Variants in PEX7 observed in about 807,000 individuals in gnomAD.
PEX7 encodes the protein PTS2 receptor.
Under a neutral mutation model 47.5 loss-of-function variants are expected in PEX7, and 34 were observed. The observed-to-expected ratio is 0.72, with a 90% CI of 0.54 to 0.95. The LOEUF is 0.95. Among genes scored for constraint, PEX7 ranks in the 40% least tolerant of loss-of-function variants. The pLI is 0.00. For synonymous variants in PEX7, 141 were observed against 148.8 expected, an observed-to-expected ratio of 0.95 and a Z score of 0.38; for missense variants, 394 against 400.3, an observed-to-expected ratio of 0.98 and a Z score of 0.13.
At position 136,913,463 on chromosome 6, in the gene PEX7, T is replaced by C; in HGVS notation, c.909T>C (p.Ala303=). ...DFSLQSPTQV[A]DCSWDETIKI... ...ACTTCATTTTTGTTTTCTAGGTGGC[T>C]GACTGTTCTTGGGATGAAACAATAA... The change falls in exon 10 of 10, where the codon GCT becomes GCC. Residue 303 remains alanine, a synonymous_variant. Transcript: ENST00000318471. 5.0e-6 allele frequency: 8 copies of C among 1,610,830 alleles called. No individual in the cohort carries two copies. The highest frequency in any genetic ancestry group is 6.8e-6 in the Non-Finnish European group (8 of 1,177,390).
intron 8 of PEX7, among the ~76,000 whole-genome samples, chr6:136,882,016 G>A (rs572523155): frequency 6.6e-6 from 1 of 152,184 alleles, no homozygotes; most frequent in East Asian, 1.9e-4. Context: ...ATCAATGATC[G>A]TGTATAACTT....
chr6:136,910,126 G>A (rs1442117193), intron 9 of PEX7, among the ~76,000 whole-genome samples: 1 of 152,138 alleles, frequency 6.6e-6, no homozygotes, highest in Non-Finnish European at 1.5e-5. Context: ...TTTAGGTTCT[G>A]GCTGTAGCTC....
Position 136,898,161 on chromosome 6 carries a change from C to G in PEX7, c.823C>G (p.Pro275Ala). 6.2e-7 allele frequency: 1 copy of G among 1,609,762 alleles called. No homozygotes were observed. The highest frequency in any genetic ancestry group is 8.5e-7 in the Non-Finnish European group (1 of 1,176,148). ...TCACAGATTCTGGAACTTTTCAAAGCCTGACTCTCTTCTTGAAACAGTGGA... is the reference window on the plus strand; with the variant it reads ...TCACAGATTCTGGAACTTTTCAAAGGCTGACTCTCTTCTTGAAACAGTGGA... ...FTVRFWNFSK[P>A]DSLLETVEHH... The change falls in exon 9 of 10, where the codon CCT (proline) becomes GCT (alanine). Residue 275 changes from proline to alanine, a missense_variant. By Grantham distance (27) the Pro-to-Ala change is conservative (BLOSUM62 -1). Transcript: ENST00000318471.
intron 5 of PEX7, among the ~76,000 whole-genome samples, chr6:136,860,505 C>T (rs1399935741): frequency 3.4e-5 from 5 of 145,220 alleles, no homozygotes; most frequent in African/African-American, 1.0e-4. Flanking sequence ...CATCACACAC[C>T]GGGGCCTGTT....
chr6:136,907,074 C>T lies in PEX7; in HGVS notation c.904-6384C>T, dbSNP rs142540279. ...TTTTACCCGTTTCTCTTGCTCTCCTCCGCCTCTGCCTATGGAAATTATTTC... is the reference window on the plus strand; with the variant it reads ...TTTTACCCGTTTCTCTTGCTCTCCTTCGCCTCTGCCTATGGAAATTATTTC... On this transcript the variant is annotated intron_variant, in intron 9 of 9. Coordinates refer to ENST00000318471, the MANE Select transcript of PEX7 (RefSeq NM_000288.4). 2.0e-3 allele frequency among the ~76,000 whole-genome samples: 312 copies of T among 152,246 alleles called. 3 individuals are homozygous for T. Among genetic ancestry groups the T allele is most frequent in the African/African-American group, 6.8e-3 (282 of 41,552 alleles).
intron 8 of PEX7, among the ~76,000 whole-genome samples, chr6:136,891,722 C>A (rs947759329): frequency 7.3e-5 from 11 of 151,546 alleles, no homozygotes; most frequent in African/African-American, 2.7e-4. Flanking sequence ...TTCACTGCAG[C>A]CTCTACCTCC....
chr6:136,898,325 A>G, intron 9 of PEX7, 84 bp downstream of exon 9: 1 of 862,248 alleles, frequency 1.2e-6, no homozygotes, highest in African/African-American at 1.7e-5. Flanking sequence ...TATGAATAAA[A>G]TTGTTGCCAT....
At chr6:136,881,962 G>A (rs1775382450) in intron 8 of PEX7, among the ~76,000 whole-genome samples, 2 of 152,200 alleles carry the variant, frequency 1.3e-5, no homozygotes, top group East Asian at 1.9e-4. Flanking sequence ...AATAATAGGA[G>A]ATCTTTAACG....
At chr6:136,863,713 G>T (rs1226316243) in intron 5 of PEX7, among the ~76,000 whole-genome samples, 6 of 152,054 alleles carry the variant, frequency 3.9e-5, no homozygotes, top group Non-Finnish European at 7.4e-5. Context: ...CTGGAAACCA[G>T]CCTGGACAAC....
intron 3 of PEX7, among the ~76,000 whole-genome samples, chr6:136,837,308 G>A (rs907990891): frequency 1.5e-5 from 2 of 129,906 alleles, no homozygotes; most frequent in Non-Finnish European, 3.1e-5. Flanking sequence ...CTTGCAGTGC[G>A]CCAAGATCGC....
chr6:136,910,956 C>T (rs1562761576), intron 9 of PEX7, among the ~76,000 whole-genome samples: 1 of 152,160 alleles, frequency 6.6e-6, no homozygotes, highest in Admixed American at 6.5e-5. Flanking sequence ...TGTACTCTCA[C>T]ACATCGTTTA....
chr6:136,871,692 GA>G (rs1775184720), intron 7 of PEX7, among the ~76,000 whole-genome samples: 1 of 152,136 alleles, frequency 6.6e-6, no homozygotes, highest in South Asian at 2.1e-4. Flanking sequence ...CCCAGAAGCT[GA>G]GATTATAGGC....
At position 136,860,982 on chromosome 6, in the gene PEX7, C is replaced by A. The variant is rs76398387; in HGVS notation, c.527-5645C>A. ...TCATACCTTTGTTACTGGTTTTTTT[C>A]ATGCAACATTATGTCTTGTGAGACT... On this transcript the variant is annotated intron_variant, in intron 5 of 9. Transcript: ENST00000318471. Among the ~76,000 whole-genome samples the A allele has an allele frequency of 1.4e-3, 212 of 152,304 alleles. 3 individuals are homozygous for A. The East Asian group carries it at 0.04, about 29-fold the overall frequency.
chr6:136,867,797 AC>A (rs1775100916), intron 6 of PEX7, among the ~76,000 whole-genome samples: 1 of 151,736 alleles, frequency 6.6e-6, no homozygotes, highest in Non-Finnish European at 1.5e-5. Context: ...AACAACAACA[AC>A]AAAAAACTTT....
chr6:136,895,960 T>C (rs1364759351), intron 8 of PEX7, among the ~76,000 whole-genome samples: 1 of 152,200 alleles, frequency 6.6e-6, no homozygotes, highest in Non-Finnish European at 1.5e-5. Flanking sequence ...ATTAGCTGTA[T>C]ATTAGAGCAA....
chr6:136,911,593 G>T (rs1775933699), intron 9 of PEX7, among the ~76,000 whole-genome samples: 1 of 152,132 alleles, frequency 6.6e-6, no homozygotes, highest in Non-Finnish European at 1.5e-5. Context: ...TTTAGGTAGA[G>T]GTGGGGTTTC....
chr6:136,882,136 C>G (rs1354282431), intron 8 of PEX7, among the ~76,000 whole-genome samples: 2 of 147,746 alleles, frequency 1.4e-5, no homozygotes, highest in Non-Finnish European at 3.0e-5. Context: ...CTTGAAAATA[C>G]TATGATAATT....
intron 3 of PEX7, among the ~76,000 whole-genome samples, chr6:136,842,041 C>T (rs1458689829): frequency 2.0e-5 from 3 of 151,144 alleles, no homozygotes; most frequent in Non-Finnish European, 4.4e-5. Context: ...CTCTGTCACC[C>T]AGCTTAAAGT....
intron 5 of PEX7, chr6:136,855,829 G>A (rs1157256069): frequency 3.7e-6 from 1 of 267,178 alleles, no homozygotes; most frequent in Non-Finnish European, 7.2e-6. Flanking sequence ...TGGAAAGAGG[G>A]TATTGATTTG....
Sources: allele counts gnomAD v4.1 joint callset (sites outside exome capture counted in the v4.1 genomes callset), GRCh38; gene constraint gnomAD v4.1.1; transcripts MANE v1.5; gene names NCBI Gene and HGNC (gene_info 2026-07-23, HGNC 2026-07-21).